The following GPR173 variants were observed in gnomAD, a reference collection of about 807,000 sequenced individuals.
The protein encoded by GPR173 is G protein-coupled receptor 173.
In GPR173, 2 loss-of-function variants were observed where a neutral mutation model predicts 13.9. That is an observed-to-expected ratio of 0.14 (90% CI 0.06 to 0.45). GPR173 has a LOEUF of 0.45. GPR173 is among the 20% of genes least tolerant of loss of function. The pLI is 0.98. For missense variants in GPR173, 202 were observed against 340.5 expected (o/e 0.59, Z 3.20); for synonymous variants, 131 against 141.0 (o/e 0.93, Z 0.50).
chrX:53,077,783 C>G lies in GPR173; in HGVS notation c.*40C>G, dbSNP rs1556806095. 1 of 1,097,725 alleles carries G rather than the reference C, an allele frequency of 9.1e-7. No individual in the cohort carries two copies. Among genetic ancestry groups the G allele is most frequent in the Admixed American group, 2.3e-5 (1 of 43,715 alleles). 90.5% of individuals were successfully genotyped at this position (1,097,725 alleles called of 1,213,427 possible). On this transcript the variant is annotated 3_prime_UTR_variant, in exon 2 of 2. Coordinates refer to ENST00000332582, the MANE Select transcript of GPR173 (RefSeq NM_018969.6). Reference sequence around the variant, plus strand: ...CAGACAGGCAGAGAGAAGGTCATGGCCACCGTGATGGGGCCAACAGCAAGG... The same window carrying G: ...CAGACAGGCAGAGAGAAGGTCATGGGCACCGTGATGGGGCCAACAGCAAGG...
chrX:53,076,771 G>C lies in GPR173; in HGVS notation c.150G>C (p.Glu50Asp). ...NAILSLLVLK[E>D]RALHKAPYYF... ...TCTTGTCCCTGCTGGTGCTCAAGGAGCGTGCCCTGCACAAGGCTCCTTACT... is the reference window on the plus strand; with the variant it reads ...TCTTGTCCCTGCTGGTGCTCAAGGACCGTGCCCTGCACAAGGCTCCTTACT... The change falls in exon 2 of 2, where the codon GAG becomes GAC. Residue 50 changes from glutamate (E) to aspartate (D), a missense_variant. Glu to Asp is a conservative substitution (Grantham distance 45). This residue lies in a region of GPR173 where 98 missense variants were observed against 137.2 expected (regional missense o/e 0.71). Transcript: ENST00000332582. 8.3e-7 allele frequency: 1 copy of C among 1,211,493 alleles called. No individual in the cohort carries two copies. The highest frequency in any genetic ancestry group is 1.1e-6 in the Non-Finnish European group (1 of 895,176).
chrX:53,054,778 T>A (rs782376488), intron 1 of GPR173, among the ~76,000 whole-genome samples: 6 of 109,976 alleles, frequency 5.5e-5, no homozygotes, highest in African/African-American at 1.0e-4. Context: ...TGTGGCTGTG[T>A]CTGTACTGTG....
chrX:53,052,269 A>C (rs1383227565), intron 1 of GPR173, among the ~76,000 whole-genome samples: 2 of 110,900 alleles, frequency 1.8e-5, no homozygotes, highest in South Asian at 3.8e-4. Context: ...TGCACACAAA[A>C]ACACACACAC....
intron 1 of GPR173, among the ~76,000 whole-genome samples, chrX:53,051,907 A>T (rs1322812161): frequency 9.0e-6 from 1 of 110,820 alleles, no homozygotes; most frequent in Non-Finnish European, 1.9e-5. Context: ...GTGCATGTCC[A>T]TGCATGTATG....
chrX:53,052,602 C>CACGTGT (rs1342375734), intron 1 of GPR173, among the ~76,000 whole-genome samples: 4 of 100,494 alleles, frequency 4.0e-5, no homozygotes, highest in Admixed American at 2.1e-4. Context: ...CACACACACA[C>CACGTGT]GTGTGTGTGT....
At position 53,079,315 on chromosome X, in the gene GPR173, G is replaced by T. The variant is rs963000988; in HGVS notation, c.*1572G>T. The T allele has an allele frequency of 1.6e-5, 2 of 121,628 alleles. No individual in the cohort carries two copies. The highest frequency in any genetic ancestry group is 6.6e-5 in the African/African-American group (2 of 30,270). 10.0% of individuals were successfully genotyped at this position (121,628 alleles called of 1,213,427 possible). A position where few individuals can be genotyped will look rare whatever the true frequency, so the allele number is the denominator to read the frequency against. On this transcript the variant is annotated 3_prime_UTR_variant, in exon 2 of 2. Transcript: ENST00000332582. ...TGGGGAGGGCACTCTAGGCAGGAGA[G>T]ACATTAATGAGCCTGGCTGCAGAGT...
In GPR173 at chrX:53,077,762, CAGGCAGAG is replaced by C. The variant is rs782688496; in HGVS notation, c.*22_*29del. On this transcript the variant is annotated 3_prime_UTR_variant, in exon 2 of 2. Transcript: ENST00000332582. Reference sequence around the variant, plus strand: ...CATGTGAAGCAGGCTGGTAGGCAGACAGGCAGAGAGAAGGTCATGGCCACCGTGATGGG... The same window carrying C: ...CATGTGAAGCAGGCTGGTAGGCAGACAGAAGGTCATGGCCACCGTGATGGG... The C allele has an allele frequency of 2.5e-6, 3 of 1,185,233 alleles. No individual in the cohort carries two copies. The highest frequency in any genetic ancestry group is 3.4e-6 in the Non-Finnish European group (3 of 875,691).
chrX:53,079,584 TCTGA>T lies in GPR173; in HGVS notation c.*1845_*1848del, dbSNP rs1445926807. ...AATGCTATACTGGATGTTTTCTCTT[TCTGA>T]CTGTGTGTGTGTGTGTGCGTGCGTG... On this transcript the variant is annotated 3_prime_UTR_variant, in exon 2 of 2. Coordinates refer to ENST00000332582, the MANE Select transcript of GPR173 (RefSeq NM_018969.6). 1 of 102,544 alleles carries T rather than the reference TCTGA, an allele frequency of 9.8e-6. No individual in the cohort carries two copies. Among genetic ancestry groups the T allele is most frequent in the Non-Finnish European group, 2.0e-5 (1 of 49,180 alleles). The allele number at this position is 102,544 out of a possible 1,213,427, so 8.5% of individuals were successfully genotyped here.
intron 1 of GPR173, among the ~76,000 whole-genome samples, chrX:53,064,047 GTCT>G (rs1327887208): frequency 9.0e-6 from 1 of 111,340 alleles, no homozygotes; most frequent in African/African-American, 3.3e-5. Context: ...TATAGCACTT[GTCT>G]TCTTCTGAGG....
rs1932455833 is a variant in GPR173 at position 53,077,520 on chromosome X, C to G, written c.899C>G (p.Ser300Ter). 1 of 1,210,174 alleles carries G rather than the reference C, an allele frequency of 8.3e-7. No homozygotes were observed. Among genetic ancestry groups the G allele is most frequent in the African/African-American group, 1.7e-5 (1 of 57,622 alleles). ...ACACTGCTCTTTCTGCTCCTCTGGT[C>G]ACCCTACATCGTGGCCTGCTACTGG... Reference protein sequence around the residue: ...AITLLFLLLWSPYIVACYWRV... With the variant: ...AITLLFLLLW The change falls in exon 2 of 2, where the codon TCA becomes TGA. Residue 300 changes from serine to a stop codon, truncating the protein, a stop_gained. Coordinates refer to ENST00000332582, the MANE Select transcript of GPR173 (RefSeq NM_018969.6). LOFTEE classifies it high-confidence loss of function.
chrX:53,073,847 T>C (rs1556805127), intron 1 of GPR173, among the ~76,000 whole-genome samples: 1 of 61,901 alleles, frequency 1.6e-5, no homozygotes, highest in Non-Finnish European at 2.8e-5. Context: ...TATAATTTTA[T>C]ATATATAAAT....
chrX:53,069,717 T>C (rs1257357988), intron 1 of GPR173, among the ~76,000 whole-genome samples: 4 of 112,456 alleles, frequency 3.6e-5, no homozygotes, highest in African/African-American at 6.5e-5. Flanking sequence ...TGTGTTTGTT[T>C]GCGTATTGCT....
Position 53,054,503 on chromosome X carries a change from A to T in GPR173, c.-98+5019A>T, listed in dbSNP as rs1227592823. ...TGGGCGACAGAGCGAGACTCCATCTAAAAAAAAAAAAAAGAGAGAGAGAGC... is the reference window on the plus strand; with the variant it reads ...TGGGCGACAGAGCGAGACTCCATCTTAAAAAAAAAAAAAGAGAGAGAGAGC... On this transcript the variant is annotated intron_variant, in intron 1 of 1. Coordinates refer to ENST00000332582, the MANE Select transcript of GPR173 (RefSeq NM_018969.6). Among the ~76,000 whole-genome samples, 31 of 98,787 alleles carry T rather than the reference A, an allele frequency of 3.1e-4. 1 individual carries two copies. In the Admixed American group the frequency reaches 3.4e-3, roughly 11 times the overall value. 85.8% of individuals were successfully genotyped at this position (98,787 alleles called of 115,157 possible). A position where few individuals can be genotyped will look rare whatever the true frequency, so the allele number is the denominator to read the frequency against.
At chrX:53,056,483 G>C (rs951786663) in intron 1 of GPR173, among the ~76,000 whole-genome samples, 1 of 110,086 alleles carries the variant, frequency 9.1e-6, no homozygotes, top group Non-Finnish European at 1.9e-5. Context: ...TGTCATCTCT[G>C]GGTGGTGTGA....
At chrX:53,060,009 G>A (rs1240669471) in intron 1 of GPR173, among the ~76,000 whole-genome samples, 2 of 92,722 alleles carry the variant, frequency 2.2e-5, no homozygotes, top group Non-Finnish European at 4.1e-5. Context: ...AAAACAAAGT[G>A]TATATTATAT....
At chrX:53,073,135 G>C (rs1013325137) in intron 1 of GPR173, among the ~76,000 whole-genome samples, 1 of 107,905 alleles carries the variant, frequency 9.3e-6, no homozygotes, top group Non-Finnish European at 1.9e-5. Flanking sequence ...TGAGGCACAA[G>C]AATCACTTGA....
chrX:53,056,286 T>G (rs1932036992), intron 1 of GPR173, among the ~76,000 whole-genome samples: 1 of 110,018 alleles, frequency 9.1e-6, no homozygotes, highest in Non-Finnish European at 1.9e-5. Context: ...GGTGTGGGTG[T>G]ATCAGTGTTG....
intron 1 of GPR173, among the ~76,000 whole-genome samples, chrX:53,072,457 T>A (rs1305801992): frequency 1.9e-5 from 2 of 107,852 alleles, no homozygotes; most frequent in African/African-American, 6.8e-5. Flanking sequence ...GGTTTCTGTG[T>A]GTGCCTCTGT....
chrX:53,058,976 G>A (rs193228350), intron 1 of GPR173, among the ~76,000 whole-genome samples: 105 of 109,188 alleles, frequency 9.6e-4, no homozygotes, highest in East Asian at 3.5e-3. Flanking sequence ...TAGGCCGAGC[G>A]CGGTGGCTGA....
Sources: gnomAD v4.1 joint callset for allele counts (sites outside exome capture counted in the v4.1 genomes callset) on GRCh38, gnomAD v4.1.1 for gene constraint, gnomAD v4.1.1 regional missense constraint, MANE v1.5 for transcripts, NCBI Gene and HGNC (gene_info 2026-07-23, HGNC 2026-07-21) for gene names.